TBX1: variants seen among roughly 807,000 people sequenced by gnomAD.
TBX1 encodes the protein T-box transcription factor TBX1.
Under a neutral mutation model 40.8 loss-of-function variants are expected in TBX1, and 16 were observed. That is an observed-to-expected ratio of 0.39 (90% CI 0.27 to 0.60). The LOEUF (loss-of-function observed/expected upper bound fraction) is 0.60. TBX1 is among the 20% of genes least tolerant of loss of function. TBX1 has a pLI of 0.51. For synonymous variants in TBX1, 403 were observed against 336.8 expected, an observed-to-expected ratio of 1.20 and a Z score of -2.15; for missense variants, 755 against 728.5, an observed-to-expected ratio of 1.04 and a Z score of -0.42.
intron 8 of TBX1, among the ~76,000 whole-genome samples, chr22:19,776,680 G>A (rs1295319199): frequency 3.9e-5 from 6 of 152,186 alleles, no homozygotes; most frequent in Admixed American, 2.0e-4. Context: ...AAGAGAGCAC[G>A]CCTACCCTCA....
intron 1 of TBX1, among the ~76,000 whole-genome samples, chr22:19,762,232 G>A (rs1936691926): frequency 6.6e-6 from 1 of 152,254 alleles, no homozygotes; most frequent in Non-Finnish European, 1.5e-5. Flanking sequence ...CAAGGGCCTT[G>A]TCGGCGCTGG....
At chr22:19,770,756 T>C (rs1055406335), downstream of TBX1, among the ~76,000 whole-genome samples, 8 of 152,186 alleles carry the variant, frequency 5.3e-5, no homozygotes, top group Non-Finnish European at 1.0e-4. Context: ...AGCACCCGCA[T>C]ACCAGAGAAT....
Position 19,766,918 on chromosome 22 carries a change from C to T in TBX1, c.*51C>T. On this transcript the variant is annotated 3_prime_UTR_variant, in exon 7 of 7. Coordinates refer to ENST00000649276, the MANE Select transcript of TBX1 (RefSeq NM_001379200.1). ...CGGTCCTGCACAGCCCCGAAGTTCG[C>T]CGGGCCCGGCCACCCTGCCCCAAGG... is the stretch of plus-strand genomic sequence containing the variant. The T allele has an allele frequency of 3.2e-6, 5 of 1,567,406 alleles. No homozygotes were observed. The highest frequency in any genetic ancestry group is 2.4e-5 in the East Asian group (1 of 42,432).
At chr22:19,763,853 C>T (rs887984540) in intron 2 of TBX1, among the ~76,000 whole-genome samples, 30 of 152,334 alleles carry the variant, frequency 2.0e-4, no homozygotes, top group African/African-American at 6.7e-4. Flanking sequence ...GCTCCCACCG[C>T]AGCGGCACCG....
chr22:19,762,396 G>A lies in TBX1; in HGVS notation c.438-845G>A, dbSNP rs558903668. Among the ~76,000 whole-genome samples, 19 of 152,340 alleles carry A rather than the reference G, an allele frequency of 1.2e-4. No individual in the cohort carries two copies. The South Asian group carries it at 2.5e-3, about 20-fold the overall frequency. ...GCTTGTGAGGGGAGGCAGAGGGGAC[G>A]GCAAGTGAGGGCCAATCCTTGTGTT... On this transcript the variant is annotated intron_variant, in intron 1 of 6. Transcript: ENST00000649276.
Position 19,766,885 on chromosome 22 carries a change from T to A in TBX1, c.*18T>A. ...CCAGATAACACGGGCCCTGTCGCGC[T>A]CCCGCCCCGGTCCTGCACAGCCCCG... On this transcript the variant is annotated 3_prime_UTR_variant, in exon 7 of 7. Coordinates refer to ENST00000649276, the MANE Select transcript of TBX1 (RefSeq NM_001379200.1). 6.3e-7 allele frequency: 1 copy of A among 1,580,870 alleles called. No homozygotes were observed. The highest frequency in any genetic ancestry group is 8.5e-7 in the Non-Finnish European group (1 of 1,171,790).
downstream of TBX1, among the ~76,000 whole-genome samples, chr22:19,768,348 G>A (rs1601297318): frequency 6.6e-6 from 1 of 152,300 alleles, no homozygotes; most frequent in African/African-American, 2.4e-5. Context: ...TCGTATACAT[G>A]TTTGCTCTGG....
downstream of TBX1, among the ~76,000 whole-genome samples, chr22:19,768,295 A>G (rs561463269): frequency 6.6e-6 from 1 of 152,356 alleles, no homozygotes; most frequent in South Asian, 2.1e-4. Flanking sequence ...CTCCGAGGGC[A>G]CAGCCAGGAG....
chr22:19,764,405 G>A (rs1279947194), intron 3 of TBX1, 79 bp downstream of exon 3: 3 of 1,572,442 alleles, frequency 1.9e-6, no homozygotes, highest in Middle Eastern at 1.7e-4. Flanking sequence ...TAAGAGGCCT[G>A]TAGAATCCCC....
chr22:19,757,015 C>T (rs567315549), upstream of TBX1, among the ~76,000 whole-genome samples: 42 of 152,316 alleles, frequency 2.8e-4, no homozygotes, highest in African/African-American at 1.0e-3. Flanking sequence ...GAGGCGGCGG[C>T]TCCGGCTGGA....
In TBX1 at chr22:19,765,994, C is replaced by T. The variant is rs1222521351; in HGVS notation, c.1028C>T (p.Thr343Met). 1.3e-6 allele frequency: 2 copies of T among 1,510,976 alleles called. No individual in the cohort carries two copies. The highest frequency in any genetic ancestry group is 2.7e-5 in the East Asian group (1 of 37,250). 93.6% of individuals were successfully genotyped at this position (1,510,976 alleles called of 1,614,324 possible). A position where few individuals can be genotyped will look rare whatever the true frequency, so the allele number is the denominator to read the frequency against. ...GCTTCCCCGACGCAGCCCAGCGGCA[C>T]GGAGAAAGGTAGGGCCGGGGTCGTG... is the stretch of plus-strand genomic sequence containing the variant. ...PVASPTQPSG[T>M]EKDAAEARRE... Residue 343 changes from threonine (T) to methionine (M), a missense_variant, in exon 6 of 7, where the codon ACG becomes ATG. Physicochemically the swap from Thr to Met is moderately conservative, Grantham distance 81. Around this residue, in one of 3 missense-constraint regions of TBX1, gnomAD observed 412 missense variants for 317.6 expected, o/e 1.30. Coordinates refer to ENST00000649276, the MANE Select transcript of TBX1 (RefSeq NM_001379200.1).
Position 19,767,190 on chromosome 22 carries a change from C to T in TBX1, c.*323C>T. The T allele has an allele frequency of 9.0e-7, 1 of 1,112,520 alleles. No homozygotes were observed. The highest frequency in any genetic ancestry group is 5.1e-5 in the Admixed American group (1 of 19,456). 68.9% of individuals were successfully genotyped at this position (1,112,520 alleles called of 1,614,324 possible). ...TGATATTTATTGTTCTCCCCGAGACCGCGTCGCCCGCGGCCCGGCCGGCAG... is the reference window on the plus strand; with the variant it reads ...TGATATTTATTGTTCTCCCCGAGACTGCGTCGCCCGCGGCCCGGCCGGCAG... On this transcript the variant is annotated 3_prime_UTR_variant, in exon 7 of 7. Transcript: ENST00000649276.
Position 19,765,110 on chromosome 22 carries a change from T to C in TBX1, c.864T>C (p.His288=). The C allele has an allele frequency of 6.2e-7, 1 of 1,614,142 alleles. No individual in the cohort carries two copies. The highest frequency in any genetic ancestry group is 8.5e-7 in the Non-Finnish European group (1 of 1,180,022). ...CCGCGGTCACTGCCTACCAGAACCA[T>C]CGGGTGAGGGCCTGTGGGGAGGACC... is the stretch of plus-strand genomic sequence containing the variant. ...RFTAVTAYQN[H]RITQLKIASN... The change falls in exon 4 of 7, where the codon CAT becomes CAC. Residue 288 remains histidine, a synonymous_variant. Transcript: ENST00000649276.
At chr22:19,769,937 A>C (rs1939778867), downstream of TBX1, among the ~76,000 whole-genome samples, 1 of 152,202 alleles carries the variant, frequency 6.6e-6, no homozygotes. Flanking sequence ...CCGTTCTTCC[A>C]TCTCCTTCTT....
upstream of TBX1, chr22:19,759,375 CT>C (rs1936564141): frequency 1.7e-6 from 1 of 603,900 alleles, no homozygotes; most frequent in Non-Finnish European, 2.1e-6. Flanking sequence ...CCAGGGGCCC[CT>C]GGCAGTGAGT....
chr22:19,766,529 C>T lies in TBX1; in HGVS notation c.1177C>T (p.Pro393Ser), dbSNP rs1936852709. 6.0e-6 allele frequency: 8 copies of T among 1,341,904 alleles called. No individual in the cohort carries two copies. Among genetic ancestry groups the T allele is most frequent in the African/African-American group, 3.1e-5 (2 of 65,398 alleles). 83.1% of individuals were successfully genotyped at this position (1,341,904 alleles called of 1,614,324 possible). A position where few individuals can be genotyped will look rare whatever the true frequency, so the allele number is the denominator to read the frequency against. Reference sequence around the variant, plus strand: ...GGCCGGCGGCGCCGGCGGCTTAGTCCCGCTGCCCGGCGCGCCCGGAGGCCG... The same window carrying T: ...GGCCGGCGGCGCCGGCGGCTTAGTCTCGCTGCCCGGCGCGCCCGGAGGCCG... ...PGAGGAGGLV[P>S]LPGAPGGRPS... The change falls in exon 7 of 7, where the codon CCG becomes TCG. Residue 393 changes from proline (P) to serine (S), a missense_variant. This residue lies in a region of TBX1 where 412 missense variants were observed against 317.6 expected (regional missense o/e 1.30). Transcript: ENST00000649276.
intron 8 of TBX1, among the ~76,000 whole-genome samples, chr22:19,775,841 C>T (rs545986965): frequency 2.6e-5 from 4 of 152,318 alleles, no homozygotes; most frequent in South Asian, 2.1e-4. Flanking sequence ...CCAGTGAGGC[C>T]GCATGGCCTG....
chr22:19,783,330 CAGG>C, downstream of TBX1: 1 of 388,536 alleles, frequency 2.6e-6, no homozygotes, highest in South Asian at 2.1e-5. Context: ...GAGCCCAAGT[CAGG>C]AGGTCAAGTG....
At chr22:19,772,244 AGATGTC>A (rs1204422592), downstream of TBX1, among the ~76,000 whole-genome samples, 1 of 152,160 alleles carries the variant, frequency 6.6e-6, no homozygotes, top group African/African-American at 2.4e-5. Flanking sequence ...CCGGGATTAC[AGATGTC>A]CGCCACCACG....
Sources: allele counts gnomAD v4.1 joint callset (sites outside exome capture counted in the v4.1 genomes callset), GRCh38; gene constraint gnomAD v4.1.1; regional missense constraint gnomAD v4.1.1; transcripts MANE v1.5; gene names NCBI Gene and HGNC (gene_info 2026-07-23, HGNC 2026-07-21).